PPM1A: variants seen among roughly 807,000 people sequenced by gnomAD.
PPM1A encodes the protein protein phosphatase, Mg2+/Mn2+ dependent 1A.
A neutral mutation model predicts 35.0 loss-of-function variants in PPM1A; 7 were observed. The ratio of observed to expected loss-of-function variants is 0.20; its 90% CI spans 0.11 to 0.38. The LOEUF is 0.38. Ranked by LOEUF, PPM1A falls within the 10% of genes least tolerant of loss-of-function variation. The pLI, the probability that PPM1A is intolerant of heterozygous loss-of-function variation, is 1.00. For missense variants in PPM1A, 239 were observed against 467.8 expected, an observed-to-expected ratio of 0.51 and a Z score of 4.51; for synonymous variants, 153 against 167.3, an observed-to-expected ratio of 0.91 and a Z score of 0.66.
At chr14:60,269,896 T>C (rs1884882468) in intron 1 of PPM1A, among the ~76,000 whole-genome samples, 1 of 152,222 alleles carries the variant, frequency 6.6e-6, no homozygotes, top group Admixed American at 6.5e-5. Flanking sequence ...ATTTGTAATC[T>C]TCAAATTATG....
intron 2 of PPM1A, among the ~76,000 whole-genome samples, chr14:60,284,665 A>G (rs1419567113): frequency 6.1e-5 from 9 of 147,514 alleles, no homozygotes; most frequent in Non-Finnish European, 1.0e-4. Context: ...AAGACTGTTG[A>G]GGAATTAATG....
rs1303728356 is a variant in PPM1A at position 60,283,810 on chromosome 14, CAG to C, written c.834+276_834+277del. ...ATTATCAAAGGTAAAAAGATTTTAT[CAG>C]AGTGCATGTTTTGAAAGAAAGAGGG... On this transcript the variant is annotated intron_variant, in intron 2 of 5. Transcript: ENST00000395076. The surrounding 1 kb of genome is among the most constrained non-coding windows in gnomAD (Gnocchi z 6.3). 6.6e-6 allele frequency among the ~76,000 whole-genome samples: 1 copy of C among 152,098 alleles called. No homozygotes were observed. Among genetic ancestry groups the C allele is most frequent in the Non-Finnish European group, 1.5e-5 (1 of 68,010 alleles).
rs1888019957 is a variant in PPM1A at position 60,295,827 on chromosome 14, G to C, written c.*3345G>C. On this transcript the variant is annotated 3_prime_UTR_variant, in exon 6 of 6. Coordinates refer to ENST00000395076, the MANE Select transcript of PPM1A (RefSeq NM_021003.5). ...ACTTAGCTGATCAAGGCAGGCCCCT[G>C]CCCTAAAGACCTTGTTTATACTTCC... The C allele has an allele frequency of 6.6e-6, 1 of 151,586 alleles. No homozygotes were observed. The highest frequency in any genetic ancestry group is 6.6e-5 in the Admixed American group (1 of 15,188). 9.4% of individuals were successfully genotyped at this position (151,586 alleles called of 1,614,324 possible).
intron 1 of PPM1A, chr14:60,268,213 GT>G (rs1884621325): frequency 2.5e-6 from 2 of 815,756 alleles, no homozygotes; most frequent in Non-Finnish European, 3.0e-6. Context: ...TGGTTCTTTA[GT>G]CTTTTTGCAT....
At chr14:60,251,907 C>T (rs893923256) in intron 1 of PPM1A, among the ~76,000 whole-genome samples, 4 of 151,342 alleles carry the variant, frequency 2.6e-5, no homozygotes, top group African/African-American at 7.4e-5. Context: ...TGAACAAGCA[C>T]AGGACCCTTG....
intron 1 of PPM1A, among the ~76,000 whole-genome samples, chr14:60,279,641 T>G (rs1444661011): frequency 1.3e-5 from 2 of 152,202 alleles, no homozygotes; most frequent in Non-Finnish European, 2.9e-5. Flanking sequence ...CAATTTAAAC[T>G]CCTATCGGCA....
In PPM1A at chr14:60,292,773, G is replaced by T. The variant is rs1341984675; in HGVS notation, c.*291G>T. On this transcript the variant is annotated 3_prime_UTR_variant, in exon 6 of 6. Transcript: ENST00000395076. This position sits in a 1 kb window ranked among gnomAD's most constrained non-coding sequence, Gnocchi z 4.2. ...TTTTGTTTTTTTGTAAAGTGTAATTGTCCTTGTACAAAATGCTCATATTTA... is the reference window on the plus strand; with the variant it reads ...TTTTGTTTTTTTGTAAAGTGTAATTTTCCTTGTACAAAATGCTCATATTTA... 6.9e-6 allele frequency: 2 copies of T among 288,904 alleles called. No individual in the cohort carries two copies. The highest frequency in any genetic ancestry group is 1.3e-5 in the Non-Finnish European group (2 of 156,206). 17.9% of individuals were successfully genotyped at this position (288,904 alleles called of 1,614,324 possible).
intron 2 of PPM1A, among the ~76,000 whole-genome samples, chr14:60,285,169 T>C (rs1159248003): frequency 6.6e-6 from 1 of 152,194 alleles, no homozygotes; most frequent in Non-Finnish European, 1.5e-5. Context: ...TATAATTTAT[T>C]TTAAAGGTAA....
At chr14:60,248,549 C>T (rs562958338), upstream of PPM1A, 18 of 152,668 alleles carry the variant, frequency 1.2e-4, no homozygotes, top group African/African-American at 3.6e-4. Context: ...GCCGTGGCAC[C>T]TGCTTGGGCT....
upstream of PPM1A, chr14:60,246,067 T>G: frequency 1.1e-3 from 1,372 of 1,255,596 alleles, no homozygotes; most frequent in Non-Finnish European, 1.4e-3. Context: ...AGGAAGGAAT[T>G]GTTGAACCTA....
upstream of PPM1A, among the ~76,000 whole-genome samples, chr14:60,248,184 G>C (rs569489607): frequency 6.6e-6 from 1 of 152,258 alleles, no homozygotes; most frequent in South Asian, 2.1e-4. Context: ...CGTGGGTCGG[G>C]TTTTCCAGCT....
chr14:60,266,401 A>G (rs1884386384), intron 1 of PPM1A, among the ~76,000 whole-genome samples: 1 of 152,144 alleles, frequency 6.6e-6, no homozygotes, highest in Admixed American at 6.5e-5. Context: ...ATTCCTTTGG[A>G]ATCAGTCTTT....
At position 60,298,240 on chromosome 14, in the gene PPM1A, ATATAC is replaced by A. The variant is rs1888209657; in HGVS notation, c.*5763_*5767del. 6.6e-6 allele frequency: 1 copy of A among 151,668 alleles called. No individual in the cohort carries two copies. The highest frequency in any genetic ancestry group is 1.5e-5 in the Non-Finnish European group (1 of 67,684). 9.4% of individuals were successfully genotyped at this position (151,668 alleles called of 1,614,324 possible). A position where few individuals can be genotyped will look rare whatever the true frequency, so the allele number is the denominator to read the frequency against. On this transcript the variant is annotated 3_prime_UTR_variant, in exon 6 of 6. Coordinates refer to ENST00000395076, the MANE Select transcript of PPM1A (RefSeq NM_021003.5). ...AACATTTTTGGCCTCCATAGTGCAGATATACTATATTAACAAGTAATACATTTATT... is the reference window on the plus strand; with the variant it reads ...AACATTTTTGGCCTCCATAGTGCAGATATATTAACAAGTAATACATTTATT...
At chr14:60,290,389 A>G (rs1408936743) in intron 4 of PPM1A, among the ~76,000 whole-genome samples, 3 of 152,116 alleles carry the variant, frequency 2.0e-5, no homozygotes, top group African/African-American at 4.8e-5. Flanking sequence ...AGTTGGTTTT[A>G]GGTGTCAGGG....
chr14:60,251,722 T>A (rs1309568735), intron 1 of PPM1A, among the ~76,000 whole-genome samples: 3 of 152,348 alleles, frequency 2.0e-5, no homozygotes, highest in Non-Finnish European at 2.9e-5. Flanking sequence ...GATTTCTTTC[T>A]CGGTTCTGTT....
intron 1 of PPM1A, chr14:60,250,466 A>C (rs1385327634): frequency 3.1e-6 from 3 of 977,064 alleles, no homozygotes; most frequent in South Asian, 4.7e-5. Flanking sequence ...ACGTTTTGAA[A>C]ATTTCATCAC....
At chr14:60,263,348 T>A (rs1294599324) in intron 1 of PPM1A, among the ~76,000 whole-genome samples, 16 of 152,208 alleles carry the variant, frequency 1.1e-4, no homozygotes, top group Non-Finnish European at 2.4e-4. Context: ...CCCCTTTCCC[T>A]TGGCCTTTGT....
Position 60,292,838 on chromosome 14 carries a change from A to G in PPM1A, c.*356A>G, listed in dbSNP as rs1887775998. The G allele has an allele frequency of 5.5e-6, 1 of 183,432 alleles. No homozygotes were observed. The highest frequency in any genetic ancestry group is 1.1e-5 in the Non-Finnish European group (1 of 88,482). The allele number at this position is 183,432 out of a possible 1,614,324, so 11.4% of individuals were successfully genotyped here. A position where few individuals can be genotyped will look rare whatever the true frequency, so the allele number is the denominator to read the frequency against. On this transcript the variant is annotated 3_prime_UTR_variant, in exon 6 of 6. Transcript: ENST00000395076. This position sits in a 1 kb window ranked among gnomAD's most constrained non-coding sequence, Gnocchi z 4.2. ...TAAATCACTATCAAAGTTACAAGAA[A>G]TGTTTGGCTTATTGTGTGATGCAAC...
intron 3 of PPM1A, among the ~76,000 whole-genome samples, chr14:60,288,946 G>A (rs1458302755): frequency 6.6e-6 from 1 of 152,076 alleles, no homozygotes; most frequent in African/African-American, 2.4e-5. Flanking sequence ...ATACTTAGAG[G>A]AATAGTTGTA....
Sources: gnomAD v4.1 joint callset for allele counts (sites outside exome capture counted in the v4.1 genomes callset) on GRCh38, gnomAD v4.1.1 for gene constraint, Gnocchi (gnomAD v3.1) non-coding constraint, MANE v1.5 for transcripts, NCBI Gene and HGNC (gene_info 2026-07-23, HGNC 2026-07-21) for gene names.